Variants in RASGRF2 observed in about 807,000 individuals in gnomAD.
RASGRF2 encodes the protein ras-specific guanine nucleotide-releasing factor 2.
A neutral mutation model predicts 151.0 loss-of-function variants in RASGRF2; 76 were observed. That is an observed-to-expected ratio of 0.50 (90% CI 0.42 to 0.61). RASGRF2 has a LOEUF of 0.61. Ranked by LOEUF, RASGRF2 falls within the 20% of genes least tolerant of loss-of-function variation. The probability of loss-of-function intolerance (pLI) is 0.00; values close to 1 mark genes in which losing one functional copy is unlikely to be tolerated. For synonymous variants in RASGRF2, 504 were observed against 566.5 expected, an observed-to-expected ratio of 0.89 and a Z score of 1.57; for missense variants, 1,148 against 1,564.6, an observed-to-expected ratio of 0.73 and a Z score of 4.49.
At chr5:81,207,468 C>A in intron 21 of RASGRF2, 119 bp downstream of exon 21, 1 of 803,464 alleles carries the variant, frequency 1.2e-6, no homozygotes, top group Non-Finnish European at 2.0e-6. Context: ...TGAGTATCTA[C>A]CAGTTGTTTC....
In RASGRF2 at chr5:80,960,724, C is replaced by T. The variant is rs1747516384; in HGVS notation, c.-15C>T. On this transcript the variant is annotated 5_prime_UTR_variant, in exon 1 of 27. Coordinates refer to ENST00000265080, the MANE Select transcript of RASGRF2 (RefSeq NM_006909.3). This position sits in a 1 kb window ranked among gnomAD's most constrained non-coding sequence, Gnocchi z 5.5. Reference sequence around the variant, plus strand: ...TGAGACCGGCGGCCACCCGTGAGCCCTCCGCACCCGCACCATGCAGAAGAG... The same window carrying T: ...TGAGACCGGCGGCCACCCGTGAGCCTTCCGCACCCGCACCATGCAGAAGAG... The T allele has an allele frequency of 6.5e-7, 1 of 1,530,730 alleles. No homozygotes were observed. Among genetic ancestry groups the T allele is most frequent in the Admixed American group, 1.8e-5 (1 of 54,336 alleles). 94.8% of individuals were successfully genotyped at this position (1,530,730 alleles called of 1,614,324 possible). A position where few individuals can be genotyped will look rare whatever the true frequency, so the allele number is the denominator to read the frequency against.
At chr5:80,984,981 G>A (rs139743796) in intron 1 of RASGRF2, among the ~76,000 whole-genome samples, 9 of 152,238 alleles carry the variant, frequency 5.9e-5, no homozygotes, top group African/African-American at 1.4e-4. Flanking sequence ...AGGCGAAGGC[G>A]AGTGGATCAC....
At chr5:81,119,416 T>C (rs761908296) in intron 15 of RASGRF2, among the ~76,000 whole-genome samples, 4 of 152,216 alleles carry the variant, frequency 2.6e-5, no homozygotes, top group Admixed American at 2.0e-4. Context: ...ATAAAGGCAT[T>C]CATTCATTCA....
chr5:81,048,445 T>C (rs939945976), intron 2 of RASGRF2, among the ~76,000 whole-genome samples: 1 of 152,200 alleles, frequency 6.6e-6, no homozygotes, highest in Non-Finnish European at 1.5e-5. Flanking sequence ...TTCACTTGAT[T>C]TGATGGTTAC....
rs150333172 is a variant in RASGRF2, at chr5:81,211,225, C to T, written c.3157-1141C>T. 1.8e-3 allele frequency among the ~76,000 whole-genome samples: 269 copies of T among 151,742 alleles called. 1 individual carries two copies. Among genetic ancestry groups the T allele is most frequent in the Middle Eastern group, 0.01 (3 of 288 alleles). On this transcript the variant is annotated intron_variant, in intron 22 of 26. Coordinates refer to ENST00000265080, the MANE Select transcript of RASGRF2 (RefSeq NM_006909.3). ...TCTGTACTAGACCAGATGCCCCATG[C>T]TGCCTGTGTATTCCCAAACCCCACC...
intron 17 of RASGRF2, among the ~76,000 whole-genome samples, chr5:81,145,315 G>A (rs1051195306): frequency 9.3e-6 from 1 of 106,994 alleles, no homozygotes; most frequent in Admixed American, 1.0e-4. Context: ...ATACATATAA[G>A]GCATAGCTGG....
intron 17 of RASGRF2, among the ~76,000 whole-genome samples, chr5:81,130,558 A>G (rs1447632258): frequency 6.6e-6 from 1 of 152,122 alleles, no homozygotes; most frequent in Non-Finnish European, 1.5e-5. Flanking sequence ...GAAACAGGGA[A>G]GGGCTAAGAA....
rs139547654 is a variant in RASGRF2, at chr5:81,140,021, G to A, written c.2686+12858G>A. On this transcript the variant is annotated intron_variant, in intron 17 of 26. Transcript: ENST00000265080. ...TTTTTTTAGGTTTCGTAGAGATGAG[G>A]TCTCTCCACGTTGCCCAGGCTGGTC... Among the ~76,000 whole-genome samples the A allele has an allele frequency of 1.6e-3, 242 of 152,034 alleles. 1 individual carries two copies. Among genetic ancestry groups the A allele is most frequent in the African/African-American group, 5.4e-3 (222 of 41,442 alleles).
chr5:81,123,513 G>A, intron 15 of RASGRF2, 129 bp from the exon 16 acceptor site: 1 of 1,152,054 alleles, frequency 8.7e-7, no homozygotes, highest in Non-Finnish European at 1.2e-6. Flanking sequence ...TACTTGACTT[G>A]ATTTCATATT....
rs957810697 is a variant in RASGRF2, at chr5:81,112,598, C to T, written c.1839-12C>T. ...CCTGGTTTTACCATCATGTTCCTGC[C>T]TTTGCACGTAGGTCTGATGCCCGTC... On this transcript the variant is annotated splice_polypyrimidine_tract_variant and intron_variant, in intron 13 of 26. Coordinates refer to ENST00000265080, the MANE Select transcript of RASGRF2 (RefSeq NM_006909.3). The T allele has an allele frequency of 1.9e-6, 3 of 1,613,930 alleles. No homozygotes were observed. Among genetic ancestry groups the T allele is most frequent in the Non-Finnish European group, 2.5e-6 (3 of 1,179,830 alleles).
intron 17 of RASGRF2, among the ~76,000 whole-genome samples, chr5:81,130,770 T>C (rs1324830058): frequency 6.6e-6 from 1 of 151,898 alleles, no homozygotes; most frequent in Non-Finnish European, 1.5e-5. Context: ...AGAAGAAAGA[T>C]TGCATAGACA....
intron 1 of RASGRF2, among the ~76,000 whole-genome samples, chr5:80,994,924 C>A (rs1748785205): frequency 6.6e-6 from 1 of 152,110 alleles, no homozygotes; most frequent in Admixed American, 6.5e-5. Flanking sequence ...GTGTAATTAC[C>A]ACCACGATTA....
At chr5:80,986,904 T>G (rs535539206) in intron 1 of RASGRF2, among the ~76,000 whole-genome samples, 1 of 152,184 alleles carries the variant, frequency 6.6e-6, no homozygotes, top group Non-Finnish European at 1.5e-5. Flanking sequence ...TAATCCACCC[T>G]CTTTCCAGAA....
intron 18 of RASGRF2, among the ~76,000 whole-genome samples, chr5:81,199,614 G>A (rs1009908916): frequency 3.9e-5 from 6 of 151,936 alleles, no homozygotes; most frequent in African/African-American, 7.3e-5. Context: ...ATTTTTTGCC[G>A]GGTGCAGTGT....
intron 10 of RASGRF2, among the ~76,000 whole-genome samples, chr5:81,093,851 A>C (rs1752461202): frequency 6.6e-6 from 1 of 152,190 alleles, no homozygotes; most frequent in Non-Finnish European, 1.5e-5. Context: ...TGCAGAGCCT[A>C]AAATACTTAC....
At chr5:81,154,999 C>T (rs947914363) in intron 17 of RASGRF2, among the ~76,000 whole-genome samples, 2 of 152,114 alleles carry the variant, frequency 1.3e-5, no homozygotes, top group Non-Finnish European at 2.9e-5. Flanking sequence ...GGTGATATCT[C>T]ACTGTGGTTT....
At chr5:81,062,321 GT>G (rs1751469079) in intron 2 of RASGRF2, among the ~76,000 whole-genome samples, 1 of 151,994 alleles carries the variant, frequency 6.6e-6, no homozygotes, top group African/African-American at 2.4e-5. Flanking sequence ...CTCTGTTTTT[GT>G]TACTTACATA....
chr5:81,127,238 T>G, intron 17 of RASGRF2, 75 bp downstream of exon 17: 1 of 1,415,778 alleles, frequency 7.1e-7, no homozygotes, highest in Non-Finnish European at 9.8e-7. Flanking sequence ...GCCAGTGTCT[T>G]GATGAGACAC....
chr5:81,042,537 A>G (rs1425303359), intron 1 of RASGRF2, among the ~76,000 whole-genome samples: 4 of 152,232 alleles, frequency 2.6e-5, no homozygotes, highest in Non-Finnish European at 5.9e-5. Flanking sequence ...TTATCACACC[A>G]CAAAAAAGGA....
Sources: allele counts gnomAD v4.1 joint callset (sites outside exome capture counted in the v4.1 genomes callset), GRCh38; gene constraint gnomAD v4.1.1; non-coding constraint Gnocchi (gnomAD v3.1); transcripts MANE v1.5; gene names NCBI Gene and HGNC (gene_info 2026-07-23, HGNC 2026-07-21).